Variants in FMN2 observed in about 807,000 individuals in gnomAD.
FMN2 encodes formin 2, also known as formin-2.
Under a neutral mutation model 142.3 loss-of-function variants are expected in FMN2, and 51 were observed. That is an observed-to-expected ratio of 0.36 (90% CI 0.29 to 0.45). The LOEUF (loss-of-function observed/expected upper bound fraction) is 0.45. Among genes scored for constraint, FMN2 ranks in the 20% least tolerant of loss-of-function variants. The probability of loss-of-function intolerance (pLI) is 1.00; values close to 1 mark genes in which losing one functional copy is unlikely to be tolerated. For synonymous variants in FMN2, 882 were observed against 869.8 expected, an observed-to-expected ratio of 1.01 and a Z score of -0.25; for missense variants, 1,936 against 2,122.8, an observed-to-expected ratio of 0.91 and a Z score of 1.73.
intron 2 of FMN2, among the ~76,000 whole-genome samples, chr1:240,165,238 C>A (rs1381409531): frequency 1.3e-5 from 2 of 152,074 alleles, no homozygotes; most frequent in African/African-American, 4.8e-5. Context: ...TGCTGTGGTG[C>A]GATCATAGCT....
chr1:240,346,676 C>T (rs936001019), intron 13 of FMN2, among the ~76,000 whole-genome samples: 5 of 152,134 alleles, frequency 3.3e-5, no homozygotes, highest in Middle Eastern at 3.4e-3. Flanking sequence ...ATGTATGCTC[C>T]GTAGTACTTC....
intron 16 of FMN2, among the ~76,000 whole-genome samples, chr1:240,448,118 C>T (rs949652293): frequency 2.0e-5 from 3 of 152,144 alleles, no homozygotes; most frequent in African/African-American, 7.2e-5. Context: ...GAAAACAAAC[C>T]TTGAAACTAC....
intron 15 of FMN2, among the ~76,000 whole-genome samples, chr1:240,411,118 T>C (rs1674373314): frequency 6.6e-6 from 1 of 152,188 alleles, no homozygotes; most frequent in Admixed American, 6.5e-5. Context: ...CTAGAAGATA[T>C]ACAATATAAA....
intron 1 of FMN2, among the ~76,000 whole-genome samples, chr1:240,100,737 A>G (rs1207468067): frequency 6.6e-6 from 1 of 152,162 alleles, no homozygotes; most frequent in African/African-American, 2.4e-5. Flanking sequence ...CTATTCTGTG[A>G]TCCAGTCAGG....
At chr1:240,352,407 C>T (rs1572220618) in intron 13 of FMN2, among the ~76,000 whole-genome samples, 4 of 152,078 alleles carry the variant, frequency 2.6e-5, no homozygotes, top group African/African-American at 9.7e-5. Context: ...TGTGATGAAA[C>T]CCTCTCTCTA....
chr1:240,225,023 A>G (rs991863910), intron 6 of FMN2, among the ~76,000 whole-genome samples: 4 of 152,170 alleles, frequency 2.6e-5, no homozygotes, highest in Non-Finnish European at 5.9e-5. Flanking sequence ...ATTAAGACCA[A>G]ATGATCAATT....
chr1:240,240,536 G>A (rs559282263), intron 6 of FMN2, among the ~76,000 whole-genome samples: 16 of 152,192 alleles, frequency 1.1e-4, no homozygotes, highest in African/African-American at 3.6e-4. Flanking sequence ...TTGAGGTAAC[G>A]AAGTACAAAG....
chr1:240,181,765 G>A (rs946072247), intron 3 of FMN2, among the ~76,000 whole-genome samples: 1 of 152,132 alleles, frequency 6.6e-6, no homozygotes, highest in Non-Finnish European at 1.5e-5. Flanking sequence ...CCAGTTGGTG[G>A]CAAAAACATT....
At chr1:240,466,810 G>C (rs1456203584) in intron 16 of FMN2, among the ~76,000 whole-genome samples, 2 of 152,138 alleles carry the variant, frequency 1.3e-5, no homozygotes, top group African/African-American at 4.8e-5. Context: ...TCAGCCTTTG[G>C]GGCTTCCCTA....
chr1:240,454,736 G>C (rs1676181581), intron 16 of FMN2, among the ~76,000 whole-genome samples: 1 of 152,118 alleles, frequency 6.6e-6, no homozygotes, highest in Non-Finnish European at 1.5e-5. Flanking sequence ...TGGAGTTAGG[G>C]ATAGAGAAGG....
At chr1:240,126,210 A>T (rs1662496519) in intron 2 of FMN2, among the ~76,000 whole-genome samples, 1 of 152,128 alleles carries the variant, frequency 6.6e-6, no homozygotes, top group South Asian at 2.1e-4. Context: ...GTGCTTATCT[A>T]TGGGGAGAGA....
At chr1:240,136,070 A>T (rs6683152) in intron 2 of FMN2, among the ~76,000 whole-genome samples, 81,430 of 151,616 alleles carry the variant, frequency 0.54, 22,766 homozygotes, top group African/African-American at 0.67. Context: ...GTAATCAGTA[A>T]CCAAGTTTTT....
chr1:240,212,164 C>T (rs182943009), intron 6 of FMN2, among the ~76,000 whole-genome samples: 4 of 152,220 alleles, frequency 2.6e-5, no homozygotes, highest in South Asian at 2.1e-4. Context: ...GGTGATTCCT[C>T]GAATTTGTGC....
intron 6 of FMN2, among the ~76,000 whole-genome samples, chr1:240,246,041 A>G (rs772230798): frequency 3.9e-5 from 6 of 152,100 alleles, no homozygotes; most frequent in Non-Finnish European, 8.8e-5. Context: ...TTAGCCGGGC[A>G]TGGTGGCGGA....
At chr1:240,408,661 A>T (rs950478642) in intron 15 of FMN2, among the ~76,000 whole-genome samples, 2 of 152,078 alleles carry the variant, frequency 1.3e-5, no homozygotes, top group Non-Finnish European at 2.9e-5. Context: ...TTATTTAGAG[A>T]AATTAAAGTA....
chr1:240,190,048 A>G (rs147325638), intron 4 of FMN2, among the ~76,000 whole-genome samples: 20 of 152,364 alleles, frequency 1.3e-4, no homozygotes, highest in African/African-American at 4.3e-4. Flanking sequence ...AAACATGTAC[A>G]GCATTGCTTT....
chr1:240,316,226 A>G (rs1670775627), intron 8 of FMN2, among the ~76,000 whole-genome samples: 1 of 152,258 alleles, frequency 6.6e-6, no homozygotes, highest in African/African-American at 2.4e-5. Flanking sequence ...AGAGTGGGGC[A>G]GTTGCTGAAA....
intron 13 of FMN2, 124 bp downstream of exon 13, chr1:240,334,353 G>A: frequency 8.5e-7 from 1 of 1,177,362 alleles, no homozygotes; most frequent in Non-Finnish European, 1.1e-6. Flanking sequence ...TTGTGTGTGT[G>A]TGGCGAAAGA....
intron 6 of FMN2, among the ~76,000 whole-genome samples, chr1:240,239,443 C>G (rs1004820736): frequency 6.6e-6 from 1 of 152,176 alleles, no homozygotes; most frequent in Non-Finnish European, 1.5e-5. Context: ...AAATGAGCAT[C>G]ATAAATTAAC....
Sources: gnomAD v4.1 joint callset for allele counts (sites outside exome capture counted in the v4.1 genomes callset) on GRCh38, gnomAD v4.1.1 for gene constraint, MANE v1.5 for transcripts, NCBI Gene and HGNC (gene_info 2026-07-23, HGNC 2026-07-21) for gene names.